The following TXNDC16 variants were observed in gnomAD, a reference collection of about 807,000 sequenced individuals.
TXNDC16 encodes thioredoxin domain containing 16, also known as thioredoxin domain-containing protein 16.
In TXNDC16, 74 loss-of-function variants were observed where a neutral mutation model predicts 85.6. That is an observed-to-expected ratio of 0.86 (90% CI 0.72 to 1.05). The LOEUF is 1.05. Among genes scored for constraint, TXNDC16 ranks in the 50% least tolerant of loss-of-function variants. The pLI, the probability that TXNDC16 is intolerant of heterozygous loss-of-function variation, is 0.00. For missense variants in TXNDC16, 959 were observed against 947.0 expected, an observed-to-expected ratio of 1.01 and a Z score of -0.17; for synonymous variants, 335 against 326.5, an observed-to-expected ratio of 1.03 and a Z score of -0.28.
intron 6 of TXNDC16, among the ~76,000 whole-genome samples, chr14:52,525,729 T>TAATAAA (rs1263097885): frequency 2.4e-5 from 3 of 123,876 alleles, no homozygotes; most frequent in South Asian, 2.4e-4. Context: ...ATAATAATAA[T>TAATAAA]AATAATAATA....
At chr14:52,460,234 C>T (rs147395702) in intron 16 of TXNDC16, among the ~76,000 whole-genome samples, 1 of 152,074 alleles carries the variant, frequency 6.6e-6, no homozygotes, top group Non-Finnish European at 1.5e-5. Flanking sequence ...AATTAGATCT[C>T]TGCAAGGAGA....
At chr14:52,535,221 A>C (rs765563813) in intron 6 of TXNDC16, among the ~76,000 whole-genome samples, 16 of 152,122 alleles carry the variant, frequency 1.1e-4, no homozygotes, top group South Asian at 4.1e-4. Context: ...TATTACTTGG[A>C]CTTTTTGCTA....
intron 6 of TXNDC16, among the ~76,000 whole-genome samples, chr14:52,520,083 G>A (rs963219223): frequency 6.6e-6 from 1 of 152,096 alleles, no homozygotes; most frequent in Admixed American, 6.6e-5. Flanking sequence ...TTGAATGAAT[G>A]AAAGAAAAAG....
At chr14:52,448,036 G>C (rs950341816) in intron 18 of TXNDC16, among the ~76,000 whole-genome samples, 1 of 151,472 alleles carries the variant, frequency 6.6e-6, no homozygotes, top group Non-Finnish European at 1.5e-5. Context: ...AATGAAGCAG[G>C]CCTACTAGGA....
At chr14:52,493,443 T>C (rs935347978) in intron 9 of TXNDC16, among the ~76,000 whole-genome samples, 1 of 151,860 alleles carries the variant, frequency 6.6e-6, no homozygotes, top group Admixed American at 6.6e-5. Flanking sequence ...GAAACCACCA[T>C]AGACAACCTC....
At chr14:52,454,011 G>T (rs879919708) in intron 18 of TXNDC16, among the ~76,000 whole-genome samples, 1 of 152,126 alleles carries the variant, frequency 6.6e-6, no homozygotes, top group Admixed American at 6.5e-5. Context: ...TAATTTAATT[G>T]TTCATTTAAA....
rs1358774278 is a variant in TXNDC16, at chr14:52,514,871, T to C, written c.605+9A>G. On this transcript the variant is annotated intron_variant, in intron 8 of 20. Coordinates refer to ENST00000281741, the MANE Select transcript of TXNDC16 (RefSeq NM_020784.3). ...CTTTAAATTGTTGACATATGCTTTT[T>C]ATACATACCCAATACTTTCCAAAAG... The C allele has an allele frequency of 1.9e-6, 3 of 1,588,074 alleles. No individual in the cohort carries two copies. The highest frequency in any genetic ancestry group is 1.7e-6 in the Non-Finnish European group (2 of 1,167,794).
chr14:52,475,598 T>C (rs2036003011), intron 14 of TXNDC16, among the ~76,000 whole-genome samples: 1 of 152,010 alleles, frequency 6.6e-6, no homozygotes, highest in African/African-American at 2.4e-5. Flanking sequence ...ACAGCCATAA[T>C]CCTCTTAGGA....
At chr14:52,528,099 A>G (rs1223079818) in intron 6 of TXNDC16, among the ~76,000 whole-genome samples, 3 of 152,148 alleles carry the variant, frequency 2.0e-5, no homozygotes, top group African/African-American at 7.2e-5. Context: ...TCTATCTCAG[A>G]TTTTACTAAC....
intron 6 of TXNDC16, among the ~76,000 whole-genome samples, chr14:52,523,225 A>G (rs1365202423): frequency 2.6e-5 from 4 of 152,150 alleles, no homozygotes; most frequent in Non-Finnish European, 5.9e-5. Flanking sequence ...GGGCTGCTCT[A>G]ACTAGGTTCT....
chr14:52,438,208 A>C (rs1383927107), intron 20 of TXNDC16, among the ~76,000 whole-genome samples: 1 of 152,246 alleles, frequency 6.6e-6, no homozygotes, highest in Non-Finnish European at 1.5e-5. Flanking sequence ...TTAGTTGATA[A>C]AGCAGCAGCA....
chr14:52,509,750 G>A (rs575675123), intron 9 of TXNDC16, among the ~76,000 whole-genome samples: 6 of 151,860 alleles, frequency 4.0e-5, no homozygotes, highest in Non-Finnish European at 5.9e-5. Context: ...AGGTCCAGGC[G>A]GGCAGATCAT....
At chr14:52,513,500 C>T (rs1338780261) in intron 8 of TXNDC16, among the ~76,000 whole-genome samples, 1 of 151,862 alleles carries the variant, frequency 6.6e-6, no homozygotes, top group Non-Finnish European at 1.5e-5. Context: ...TCCAAACTTC[C>T]CCAATACATC....
intron 14 of TXNDC16, 107 bp downstream of exon 14, chr14:52,482,123 A>G: frequency 9.8e-7 from 1 of 1,022,876 alleles, no homozygotes; most frequent in Non-Finnish European, 1.4e-6. Context: ...ACACAAACAT[A>G]GTAACTGAAA....
In TXNDC16 at chr14:52,432,383, C is replaced by T. The variant is rs201446017; in HGVS notation, c.2399G>A (p.Trp800Ter). The T allele has an allele frequency of 8.1e-6, 13 of 1,613,782 alleles. No individual in the cohort carries two copies. The highest frequency in any genetic ancestry group is 9.3e-6 in the Non-Finnish European group (11 of 1,179,942). Residue 800 changes from tryptophan (W) to a stop codon, truncating the protein, a stop_gained, in exon 21 of 21, where the codon TGG becomes TAG. Coordinates refer to ENST00000281741, the MANE Select transcript of TXNDC16 (RefSeq NM_020784.3). LOFTEE classifies it low-confidence loss of function (END_TRUNC). ...TTCTTTAAACCAATTACTTCTATTC[C>T]AATGCTTTATTCTCAGAGTTTCAAT... ...EPIETLRIKH[W>*]NRSNWFKEAE...
intron 2 of TXNDC16, among the ~76,000 whole-genome samples, 190 bp downstream of exon 2, chr14:52,544,074 A>T (rs926613363): frequency 6.6e-6 from 1 of 152,142 alleles, no homozygotes; most frequent in South Asian, 2.1e-4. Flanking sequence ...CCCCTAGAAG[A>T]AATCTATTAA....
chr14:52,527,835 A>C (rs1384992966), intron 6 of TXNDC16, among the ~76,000 whole-genome samples: 2 of 152,138 alleles, frequency 1.3e-5, no homozygotes, highest in Non-Finnish European at 2.9e-5. Context: ...TTTTGGACTT[A>C]ACACCCCCTC....
At chr14:52,438,159 G>A (rs560042903) in intron 20 of TXNDC16, among the ~76,000 whole-genome samples, 19 of 152,300 alleles carry the variant, frequency 1.2e-4, no homozygotes, top group African/African-American at 3.8e-4. Flanking sequence ...TATGAACATC[G>A]TTGAAATGAC....
chr14:52,466,053 T>C (rs1566542449), intron 16 of TXNDC16, among the ~76,000 whole-genome samples: 1 of 152,152 alleles, frequency 6.6e-6, no homozygotes, highest in Non-Finnish European at 1.5e-5. Flanking sequence ...AAGTTCATAA[T>C]AAAATGTTGG....
Sources: gnomAD v4.1 joint callset for allele counts (sites outside exome capture counted in the v4.1 genomes callset) on GRCh38, gnomAD v4.1.1 for gene constraint, MANE v1.5 for transcripts, NCBI Gene and HGNC (gene_info 2026-07-23, HGNC 2026-07-21) for gene names.